Variants in MAD1L1 observed in about 807,000 individuals in gnomAD.
MAD1L1 encodes the protein mitotic spindle assembly checkpoint protein MAD1.
In MAD1L1, 95 loss-of-function variants were observed where a neutral mutation model predicts 96.9. The ratio of observed to expected loss-of-function variants is 0.98; its 90% CI spans 0.83 to 1.16. The LOEUF is 1.16. Ranked by LOEUF, MAD1L1 falls within the 50% of genes most tolerant of loss-of-function variation. The pLI is 0.00. For missense variants in MAD1L1, 1,007 were observed against 954.4 expected (o/e 1.06, Z -0.73); for synonymous variants, 473 against 396.6 (o/e 1.19, Z -2.29).
intron 17 of MAD1L1, among the ~76,000 whole-genome samples, chr7:1,912,368 G>A (rs1434899867): frequency 6.6e-6 from 1 of 152,222 alleles, no homozygotes; most frequent in East Asian, 1.9e-4. Context: ...AAGCAGTTGG[G>A]GTCAGAGGTG....
At chr7:2,167,276 G>A (rs188089463) in intron 10 of MAD1L1, among the ~76,000 whole-genome samples, 80 of 152,234 alleles carry the variant, frequency 5.3e-4, no homozygotes, top group African/African-American at 1.8e-3. Context: ...GGCCGGGCGC[G>A]GCAGCTCATG....
chr7:1,919,661 T>G (rs1788651618), intron 17 of MAD1L1, among the ~76,000 whole-genome samples: 1 of 152,178 alleles, frequency 6.6e-6, no homozygotes, highest in African/African-American at 2.4e-5. Context: ...GCGGTGCCTC[T>G]GCTATAAACA....
At chr7:1,964,602 A>C (rs1220662431) in intron 15 of MAD1L1, among the ~76,000 whole-genome samples, 1 of 152,216 alleles carries the variant, frequency 6.6e-6, no homozygotes, top group Non-Finnish European at 1.5e-5. Context: ...TTCTGGCATA[A>C]GCTTCTTGAA....
intron 14 of MAD1L1, among the ~76,000 whole-genome samples, chr7:1,983,217 G>C (rs1278808374): frequency 6.6e-6 from 1 of 151,526 alleles, no homozygotes; most frequent in Admixed American, 6.6e-5. Context: ...AGTTGTTGGT[G>C]TCAATACAAC....
intron 11 of MAD1L1, among the ~76,000 whole-genome samples, chr7:2,085,291 C>T (rs894397123): frequency 3.3e-5 from 5 of 152,210 alleles, no homozygotes; most frequent in African/African-American, 9.7e-5. Flanking sequence ...ACAAGTGTAA[C>T]GGAGCAAGTA....
In MAD1L1 at chr7:2,114,728, C is replaced by T. The variant is rs576566145; in HGVS notation, c.1073+34424G>A. Among the ~76,000 whole-genome samples, 1 of 152,364 alleles carries T rather than the reference C, an allele frequency of 6.6e-6. No homozygotes were observed. The highest frequency in any genetic ancestry group is 2.4e-5 in the African/African-American group (1 of 41,590). ...GCCACCCAGAATCAAATACGAATCG[C>T]CGCTGCCGCTCTCACAGCACGATGG... On this transcript the variant is annotated intron_variant, in intron 11 of 18. Coordinates refer to ENST00000265854, the MANE Select transcript of MAD1L1 (RefSeq NM_001013836.2). This position sits in a 1 kb window ranked among gnomAD's most constrained non-coding sequence, Gnocchi z 4.2.
chr7:2,180,576 G>A (rs1791155525), intron 10 of MAD1L1, among the ~76,000 whole-genome samples: 1 of 152,220 alleles, frequency 6.6e-6, no homozygotes, highest in Admixed American at 6.5e-5. Flanking sequence ...TAGTGCAACT[G>A]TCAAGGAAAC....
rs60530384 is a variant in MAD1L1, at chr7:2,051,579, C to A, written c.1218+17615G>T. Among the ~76,000 whole-genome samples the A allele has an allele frequency of 3.9e-3, 597 of 151,956 alleles. 6 individuals carry two copies. Among genetic ancestry groups the A allele is most frequent in the African/African-American group, 0.014 (566 of 41,352 alleles). Reference sequence around the variant, plus strand: ...AAGCCCAGGAACGAGACATTGAAACCGCACATGAAGACTGGGCCTTCCCTG... The same window carrying A: ...AAGCCCAGGAACGAGACATTGAAACAGCACATGAAGACTGGGCCTTCCCTG... On this transcript the variant is annotated intron_variant, in intron 12 of 18. Transcript: ENST00000265854.
chr7:1,838,527 C>T (rs1300846007), intron 18 of MAD1L1: 1 of 338,766 alleles, frequency 3.0e-6, no homozygotes, highest in Non-Finnish European at 6.0e-6. Context: ...GCACGTGGTC[C>T]AATGTGAGCG....
intron 3 of MAD1L1, among the ~76,000 whole-genome samples, chr7:2,225,841 G>A (rs1793865516): frequency 6.6e-6 from 1 of 152,224 alleles, no homozygotes; most frequent in African/African-American, 2.4e-5. Flanking sequence ...ACGGCTCCGT[G>A]GGTCGGAAGT....
At position 2,119,055 on chromosome 7, in the gene MAD1L1, C is replaced by T. The variant is rs936717683; in HGVS notation, c.1073+30097G>A. Among the ~76,000 whole-genome samples the T allele has an allele frequency of 6.6e-6, 1 of 152,062 alleles. No individual in the cohort carries two copies. The highest frequency in any genetic ancestry group is 3.2e-3 in the Middle Eastern group (1 of 316). On this transcript the variant is annotated intron_variant, in intron 11 of 18. Transcript: ENST00000265854. This position sits in a 1 kb window ranked among gnomAD's most constrained non-coding sequence, Gnocchi z 4.6. ...ACGGTCTGCCTCCCAGACCCCTGCG[C>T]GGACAAGCAGGAGCGGCTGGGCTCG...
chr7:2,045,132 G>C (rs888258425), intron 12 of MAD1L1, among the ~76,000 whole-genome samples: 1 of 152,168 alleles, frequency 6.6e-6, no homozygotes, highest in African/African-American at 2.4e-5. Flanking sequence ...GGCCAGAAAG[G>C]ACATGAAAGG....
At position 2,192,180 on chromosome 7, in the gene MAD1L1, G is replaced by A. The variant is rs141017957; in HGVS notation, c.986+21032C>T. Reference sequence around the variant, plus strand: ...AGTTTTGTCCTGATTGCCCAGGCTGGAGTGTAATGGCATGATCTCGGCTCA... The same window carrying A: ...AGTTTTGTCCTGATTGCCCAGGCTGAAGTGTAATGGCATGATCTCGGCTCA... On this transcript the variant is annotated intron_variant, in intron 10 of 18. Coordinates refer to ENST00000265854, the MANE Select transcript of MAD1L1 (RefSeq NM_001013836.2). Among the ~76,000 whole-genome samples the A allele has an allele frequency of 7.2e-3, 1,092 of 151,894 alleles. 8 individuals carry two copies. The highest frequency in any genetic ancestry group is 0.012 in the Non-Finnish European group (786 of 67,942).
In MAD1L1 at chr7:1,873,437, G is replaced by A. The variant is rs568151819; in HGVS notation, c.1998+24763C>T. On this transcript the variant is annotated intron_variant, in intron 18 of 18. Transcript: ENST00000265854. ...GCATTTGGGCTGAGTCCTGGAGGAT[G>A]CGAGGGGCGGTGGGGAGGGGCAGGT... 7.9e-5 allele frequency among the ~76,000 whole-genome samples: 12 copies of A among 152,146 alleles called. 1 individual carries two copies. In the South Asian group the frequency reaches 2.5e-3, roughly 32 times the overall value.
intron 11 of MAD1L1, among the ~76,000 whole-genome samples, chr7:2,075,234 T>TA (rs1368896095): frequency 4.6e-5 from 7 of 152,148 alleles, no homozygotes; most frequent in African/African-American, 1.4e-4. Context: ...GAGTGCAGCC[T>TA]AAAGGCCCCC....
At chr7:2,195,070 A>G (rs1249300514) in intron 10 of MAD1L1, among the ~76,000 whole-genome samples, 1 of 151,656 alleles carries the variant, frequency 6.6e-6, no homozygotes, top group Non-Finnish European at 1.5e-5. Context: ...CCTGGGCAAC[A>G]CAGCAAGACT....
chr7:2,066,448 T>A (rs1455886375), intron 12 of MAD1L1, among the ~76,000 whole-genome samples: 8 of 152,336 alleles, frequency 5.3e-5, no homozygotes, highest in African/African-American at 1.2e-4. Context: ...CAATCCTTCG[T>A]CAGGATAAAC....
chr7:1,819,341 C>A (rs376986259), intron 18 of MAD1L1, among the ~76,000 whole-genome samples: 2 of 152,174 alleles, frequency 1.3e-5, no homozygotes, highest in African/African-American at 4.8e-5. Context: ...GTCTAGTCTG[C>A]GCACATAGCG....
intron 18 of MAD1L1, chr7:1,849,047 TAC>T (rs57306853): frequency 0.015 from 2,252 of 148,074 alleles, 26 homozygotes; most frequent in African/African-American, 0.02. Context: ...GGTGTACATG[TAC>T]ACACACACAC....
Sources: gnomAD v4.1 joint callset for allele counts (sites outside exome capture counted in the v4.1 genomes callset) on GRCh38, gnomAD v4.1.1 for gene constraint, Gnocchi (gnomAD v3.1) non-coding constraint, MANE v1.5 for transcripts, NCBI Gene and HGNC (gene_info 2026-07-23, HGNC 2026-07-21) for gene names.